Variants in MRPS25 observed in about 807,000 individuals in gnomAD.
MRPS25 encodes small ribosomal subunit protein mS25.
A neutral mutation model predicts 17.3 loss-of-function variants in MRPS25; 15 were observed. The observed-to-expected ratio is 0.87, with a 90% CI of 0.58 to 1.34. The LOEUF (loss-of-function observed/expected upper bound fraction) is 1.34. Among genes scored for constraint, MRPS25 ranks in the 40% most tolerant of loss-of-function variants. The probability of loss-of-function intolerance (pLI) is 0.00; values close to 1 mark genes in which losing one functional copy is unlikely to be tolerated. For missense variants in MRPS25, 225 were observed against 218.6 expected (o/e 1.03, Z -0.19); for synonymous variants, 94 against 83.3 (o/e 1.13, Z -0.70).
chr3:15,045,634 G>A (rs1402115760), downstream of MRPS25: 1 of 152,636 alleles, frequency 6.6e-6, no homozygotes, highest in Non-Finnish European at 1.5e-5. Context: ...CTGACTGCAG[G>A]TCCATTTCAT....
At chr3:15,063,591 A>T (rs994902242) in intron 1 of MRPS25, among the ~76,000 whole-genome samples, 17 of 152,210 alleles carry the variant, frequency 1.1e-4, no homozygotes, top group Non-Finnish European at 2.4e-4. Flanking sequence ...ACAAAGAAAC[A>T]GTGAATGGCT....
At chr3:15,043,092 T>G, downstream of MRPS25, 3 of 1,325,138 alleles carry the variant, frequency 2.3e-6, no homozygotes, top group Non-Finnish European at 3.0e-6. Flanking sequence ...TTTTGGTATG[T>G]GCAAATATTT....
intron 1 of MRPS25, among the ~76,000 whole-genome samples, chr3:15,060,744 G>T (rs2042741552): frequency 6.6e-6 from 1 of 151,810 alleles, no homozygotes; most frequent in Non-Finnish European, 1.5e-5. Context: ...TAGCCGGCGT[G>T]GTGGCGGGCA....
chr3:15,050,590 T>C lies in MRPS25; in HGVS notation c.*1851A>G, dbSNP rs1304784003. The C allele has an allele frequency of 3.0e-6, 3 of 985,330 alleles. No homozygotes were observed. The African/African-American group carries it at 5.2e-5, about 17-fold the overall frequency. The allele number at this position is 985,330 out of a possible 1,614,324, so 61.0% of individuals were successfully genotyped here. The stretch of plus-strand genomic sequence containing the variant: ...TATCAAGGTCAAGACTTCAGTCAGT[T>C]GGGTGGGGAACTGAAACCAGCAGAC... On this transcript the variant is annotated 3_prime_UTR_variant, in exon 4 of 4. Transcript: ENST00000253686.
At chr3:15,060,098 T>C (rs34017585) in intron 1 of MRPS25, among the ~76,000 whole-genome samples, 22,271 of 152,074 alleles carry the variant, frequency 0.15, 1,939 homozygotes, top group Middle Eastern at 0.21. Flanking sequence ...AAATTTGGAA[T>C]AATGATACTG....
chr3:15,047,375 G>A (rs902944122), downstream of MRPS25: 4 of 152,174 alleles, frequency 2.6e-5, no homozygotes, highest in East Asian at 1.9e-4. Context: ...CTCTAGGTTC[G>A]GACAAGAGCC....
At position 15,052,345 on chromosome 3, in the gene MRPS25, G is replaced by C; in HGVS notation, c.*96C>G. ...TGCAAAAGGATTTCCAGAGTCTCCAGGGACAGAACCAGGGGCTTCCCTGGG... is the reference window on the plus strand; with the variant it reads ...TGCAAAAGGATTTCCAGAGTCTCCACGGACAGAACCAGGGGCTTCCCTGGG... On this transcript the variant is annotated 3_prime_UTR_variant, in exon 4 of 4. Coordinates refer to ENST00000253686, the MANE Select transcript of MRPS25 (RefSeq NM_022497.5). The C allele has an allele frequency of 6.6e-7, 1 of 1,516,232 alleles. No individual in the cohort carries two copies. Among genetic ancestry groups the C allele is most frequent in the South Asian group, 1.3e-5 (1 of 75,432 alleles). The allele number at this position is 1,516,232 out of a possible 1,614,324, so 93.9% of individuals were successfully genotyped here.
intron 1 of MRPS25, 80 bp downstream of exon 1, chr3:15,064,981 C>T: frequency 6.6e-7 from 1 of 1,512,114 alleles, no homozygotes; most frequent in Non-Finnish European, 8.9e-7. Flanking sequence ...CCGCCCAGAG[C>T]GACTCGGGAC....
At chr3:15,047,116 G>C (rs2042484363), downstream of MRPS25, 1 of 152,604 alleles carries the variant, frequency 6.6e-6, no homozygotes, top group Admixed American at 6.5e-5. Context: ...TGTGTACATA[G>C]ATGTATATTA....
At chr3:15,053,190 TAC>T in intron 3 of MRPS25, 188 bp downstream of exon 3, 1 of 1,311,596 alleles carries the variant, frequency 7.6e-7, no homozygotes, top group Non-Finnish European at 1.0e-6. Flanking sequence ...AGATAAAGCT[TAC>T]AGAGGTTTAA....
Position 15,053,531 on chromosome 3 carries a change from T to C in MRPS25, c.242-64A>G, listed in dbSNP as rs186347108. The C allele has an allele frequency of 1.9e-4, 309 of 1,602,346 alleles. No homozygotes were observed. The African/African-American group carries it at 3.8e-3, about 20-fold the overall frequency. ...TCACAGCGCACTCAGCCTCAAAAAG[T>C]TGTAATTTGGGACTTGCTTTTAGTG... is the stretch of plus-strand genomic sequence containing the variant. On this transcript the variant is annotated intron_variant, in intron 2 of 3. Transcript: ENST00000253686.
At chr3:15,045,348 T>TAGGCTGCTTAGACTC (rs1457607751), downstream of MRPS25, 2 of 152,672 alleles carry the variant, frequency 1.3e-5, no homozygotes, top group African/African-American at 2.4e-5. Flanking sequence ...TGGCAGCCAG[T>TAGGCTGCTTAGACTC]AGGCTGCTTA....
chr3:15,042,805 T>C (rs2125105233), downstream of MRPS25: 2 of 1,604,984 alleles, frequency 1.2e-6, no homozygotes, highest in Non-Finnish European at 1.7e-6. Flanking sequence ...TCAAACAGTC[T>C]CCTTTTCTAA....
chr3:15,044,145 G>A (rs2042369319), downstream of MRPS25: 2 of 152,282 alleles, frequency 1.3e-5, no homozygotes, highest in Admixed American at 6.5e-5. Context: ...CTGGGCAGGA[G>A]CCTGCTGCCG....
At position 15,052,039 on chromosome 3, in the gene MRPS25, C is replaced by G; in HGVS notation, c.*402G>C. On this transcript the variant is annotated 3_prime_UTR_variant, in exon 4 of 4. Transcript: ENST00000253686. The stretch of plus-strand genomic sequence containing the variant: ...CTAGCCAGACTCAACCACAGCAGCC[C>G]TTATGTTCTCCAGAGTAGAGCCCAG... 5 of 1,001,906 alleles carry G rather than the reference C, an allele frequency of 5.0e-6. No homozygotes were observed. The highest frequency in any genetic ancestry group is 5.9e-6 in the Non-Finnish European group (5 of 840,744). 62.1% of individuals were successfully genotyped at this position (1,001,906 alleles called of 1,614,324 possible).
rs2042832591 is a variant in MRPS25 at position 15,064,888 on chromosome 3, GC to G, written c.134+172del. On this transcript the variant is annotated intron_variant, in intron 1 of 3. Transcript: ENST00000253686. ...CACGACTGCAGCCGGCCCGGCGGGG[GC>G]CCCGCCGTCCGCCTCAGTCTGGACC... is the stretch of plus-strand genomic sequence containing the variant. Among the ~76,000 whole-genome samples, 2 of 152,290 alleles carry G rather than the reference GC, an allele frequency of 1.3e-5. 1 individual carries two copies. Among genetic ancestry groups the G allele is most frequent in the Non-Finnish European group, 2.9e-5 (2 of 68,010 alleles).
intron 1 of MRPS25, among the ~76,000 whole-genome samples, chr3:15,062,157 G>A (rs2042776359): frequency 9.2e-5 from 2 of 21,652 alleles, no homozygotes; most frequent in South Asian, 2.2e-3. Flanking sequence ...CCCCCCGCCC[G>A]GCCAGCCGCC....
In MRPS25 at chr3:15,055,995, C is replaced by T. The variant is rs372359142; in HGVS notation, c.242-2528G>A. ...TTGGGAGGCCGAGGCGGGCGGATCA[C>T]GAGGTCAGGAGATCGAGACCATCCT... On this transcript the variant is annotated intron_variant, in intron 2 of 3. Transcript: ENST00000253686. Among the ~76,000 whole-genome samples the T allele has an allele frequency of 2.8e-4, 42 of 151,576 alleles. 1 individual carries two copies. In the East Asian group the frequency reaches 6.8e-3, roughly 25 times the overall value.
chr3:15,063,818 G>A (rs1039707303), intron 1 of MRPS25, among the ~76,000 whole-genome samples: 2 of 151,734 alleles, frequency 1.3e-5, no homozygotes, highest in African/African-American at 2.4e-5. Flanking sequence ...GCTCGCTGCG[G>A]GCCGCACCGA....
Sources: gnomAD v4.1 joint callset for allele counts (sites outside exome capture counted in the v4.1 genomes callset) on GRCh38, gnomAD v4.1.1 for gene constraint, MANE v1.5 for transcripts, NCBI Gene and HGNC (gene_info 2026-07-23, HGNC 2026-07-21) for gene names.